GFI1B: variants seen among roughly 807,000 people sequenced by gnomAD.
GFI1B encodes the protein zinc finger protein Gfi-1b.
In GFI1B, 20 loss-of-function variants were observed where a neutral mutation model predicts 35.3. The ratio of observed to expected loss-of-function variants is 0.57; its 90% CI spans 0.40 to 0.82. The LOEUF (loss-of-function observed/expected upper bound fraction) is 0.82. GFI1B is among the 40% of genes least tolerant of loss of function. GFI1B has a pLI of 0.00. For synonymous variants in GFI1B, 178 were observed against 177.6 expected (o/e 1.00, Z -0.02); for missense variants, 430 against 446.3 (o/e 0.96, Z 0.33).
intron 1 of GFI1B, among the ~76,000 whole-genome samples, chr9:132,948,050 C>G (rs976360818): frequency 6.6e-6 from 1 of 152,206 alleles, no homozygotes; most frequent in East Asian, 1.9e-4. Context: ...GGTTACGGTT[C>G]GTCCACAAGG....
chr9:132,973,858 C>T (rs564089649), upstream of GFI1B, among the ~76,000 whole-genome samples: 22 of 152,324 alleles, frequency 1.4e-4, no homozygotes, highest in Admixed American at 1.4e-3. Flanking sequence ...CTTAAGCAAC[C>T]TCATGGTTTT....
At chr9:132,962,664 A>G in intron 1 of GFI1B, 2 of 490,230 alleles carry the variant, frequency 4.1e-6, no homozygotes, top group Non-Finnish European at 4.1e-6. Flanking sequence ...AGCTGGGTCT[A>G]TAAGGAATTA....
At chr9:132,976,983 A>G (rs1848648494), upstream of GFI1B, among the ~76,000 whole-genome samples, 1 of 152,120 alleles carries the variant, frequency 6.6e-6, no homozygotes, top group South Asian at 2.1e-4. Context: ...TTGAGACAGA[A>G]TTTTGCTCTT....
At chr9:132,946,341 G>A (rs1181201323) in intron 1 of GFI1B, among the ~76,000 whole-genome samples, 1 of 152,150 alleles carries the variant, frequency 6.6e-6, no homozygotes, top group East Asian at 1.9e-4. Context: ...GCTAGTTCAT[G>A]GGGATTTGGG....
intron 1 of GFI1B, among the ~76,000 whole-genome samples, chr9:132,981,381 G>A (rs1848814689): frequency 6.6e-6 from 1 of 152,180 alleles, no homozygotes; most frequent in Non-Finnish European, 1.5e-5. Flanking sequence ...CATTCTCTGA[G>A]CTTTGGAGGA....
At chr9:132,976,820 T>C (rs992465611), upstream of GFI1B, among the ~76,000 whole-genome samples, 12 of 152,268 alleles carry the variant, frequency 7.9e-5, no homozygotes, top group East Asian at 1.5e-3. Flanking sequence ...GGTGCGCCTG[T>C]AGTCCCAGCC....
At chr9:132,972,697 C>T (rs1269002242) in intron 1 of GFI1B, 2 of 152,206 alleles carry the variant, frequency 1.3e-5, no homozygotes, top group Non-Finnish European at 2.9e-5. Flanking sequence ...TGTACCTGTA[C>T]ACAGATAATT....
intron 1 of GFI1B, among the ~76,000 whole-genome samples, chr9:132,981,299 A>G (rs1848811637): frequency 1.3e-5 from 2 of 152,216 alleles, no homozygotes; most frequent in African/African-American, 4.8e-5. Flanking sequence ...GTATGCAGAT[A>G]TCTCTTTGAG....
chr9:132,955,298 C>CTT (rs987104465), intron 1 of GFI1B, among the ~76,000 whole-genome samples: 18 of 150,730 alleles, frequency 1.2e-4, no homozygotes, highest in African/African-American at 4.4e-4. Context: ...AGCATTTTTT[C>CTT]TTTTTTTTTG....
At chr9:132,987,524 C>G in intron 3 of GFI1B, 105 bp downstream of exon 3, 1 of 1,321,988 alleles carries the variant, frequency 7.6e-7, no homozygotes, top group South Asian at 1.2e-5. Context: ...TCAGGAAGGA[C>G]CCACGAAGTC....
rs1475760647 is a variant in GFI1B at position 132,988,367 on chromosome 9, C to A, written c.409C>A (p.Leu137Met). ...AGCCTTCCTGGAGCACTCCGTCAGC[C>A]TGTACGGCAGTCCTCTTGTGCCCAG... ...QSAFLEHSVSLYGSPLVPSTE... is the reference protein window; with the variant it reads ...QSAFLEHSVSMYGSPLVPSTE... Residue 137 changes from leucine (L) to methionine (M), a missense_variant, in exon 4 of 7, where the codon CTG becomes ATG. Coordinates refer to ENST00000372122, the MANE Select transcript of GFI1B (RefSeq NM_001377304.1). The A allele has an allele frequency of 6.2e-7, 1 of 1,614,168 alleles. No individual in the cohort carries two copies. The highest frequency in any genetic ancestry group is 8.5e-7 in the Non-Finnish European group (1 of 1,179,982).
In GFI1B at chr9:132,986,711, G is replaced by C; in HGVS notation, c.33G>C (p.Lys11Asn). Residue 11 changes from lysine to asparagine, a missense_variant, in exon 2 of 7, where the codon AAG becomes AAC. By Grantham distance (94) the Lys-to-Asn change is moderately conservative. Coordinates refer to ENST00000372122, the MANE Select transcript of GFI1B (RefSeq NM_001377304.1). MPRSFLVKSKKAHTYHQPRVQ... is the reference protein window; with the variant it reads MPRSFLVKSKNAHTYHQPRVQ... ...GCTCCTTCCTGGTGAAGAGCAAGAA[G>C]GCTCACACCTACCACCAGCCCCGTG... is the stretch of plus-strand genomic sequence containing the variant. 1 of 1,612,768 alleles carries C rather than the reference G, an allele frequency of 6.2e-7. No homozygotes were observed. The highest frequency in any genetic ancestry group is 8.5e-7 in the Non-Finnish European group (1 of 1,179,372).
intron 1 of GFI1B, among the ~76,000 whole-genome samples, chr9:132,958,074 G>A (rs72759449): frequency 0.073 from 11,040 of 152,176 alleles, 448 homozygotes; most frequent in Non-Finnish European, 0.095. Flanking sequence ...GTCATGTGAA[G>A]GTGTTTGACC....
Position 132,982,831 on chromosome 9 carries a change from G to A in GFI1B, c.-20-3828G>A, listed in dbSNP as rs903422077. 1.6e-4 allele frequency among the ~76,000 whole-genome samples: 24 copies of A among 152,246 alleles called. 1 individual carries two copies. The Middle Eastern group carries it at 0.02, about 129-fold the overall frequency. On this transcript the variant is annotated intron_variant, in intron 1 of 6. Transcript: ENST00000372122. ...TGTCACTTGCCAAGCTCAGGGGAGA[G>A]AACACTGGGGGGAGGCAAGAAAGCG...
chr9:132,988,366 C>A lies in GFI1B; in HGVS notation c.408C>A (p.Ser136Arg), dbSNP rs1849159195. 6.2e-7 allele frequency: 1 copy of A among 1,614,110 alleles called. No homozygotes were observed. The highest frequency in any genetic ancestry group is 8.5e-7 in the Non-Finnish European group (1 of 1,179,944). ...MQSAFLEHSVSLYGSPLVPST... is the reference protein window; with the variant it reads ...MQSAFLEHSVRLYGSPLVPST... ...CAGCCTTCCTGGAGCACTCCGTCAG[C>A]CTGTACGGCAGTCCTCTTGTGCCCA... The change falls in exon 4 of 7, where the codon AGC (serine) becomes AGA (arginine). Residue 136 changes from serine (S) to arginine (R), a missense_variant. Ser to Arg is a moderately radical substitution (Grantham distance 110, BLOSUM62 -1). Transcript: ENST00000372122.
At chr9:132,988,760 C>A (rs1035721340) in intron 4 of GFI1B, among the ~76,000 whole-genome samples, 5 of 152,190 alleles carry the variant, frequency 3.3e-5, no homozygotes, top group Non-Finnish European at 7.3e-5. Context: ...AGCATTCAAA[C>A]CCAGCTTCGG....
At chr9:132,973,875 A>T (rs144302382), upstream of GFI1B, among the ~76,000 whole-genome samples, 3,084 of 152,246 alleles carry the variant, frequency 0.02, 48 homozygotes, top group Middle Eastern at 0.034. Flanking sequence ...TTTTGGCGGG[A>T]AAGTCTGCCA....
intron 1 of GFI1B, among the ~76,000 whole-genome samples, chr9:132,948,372 C>T (rs927575000): frequency 2.6e-5 from 4 of 152,154 alleles, no homozygotes; most frequent in African/African-American, 9.7e-5. Context: ...TTCCGGAGTC[C>T]CTGAAACCAG....
intron 1 of GFI1B, chr9:132,962,811 C>T (rs1022382598): frequency 5.0e-5 from 11 of 220,304 alleles, no homozygotes; most frequent in East Asian, 3.1e-4. Context: ...TGGCTCACGC[C>T]TGTAATCCCA....
Sources: allele counts gnomAD v4.1 joint callset (sites outside exome capture counted in the v4.1 genomes callset), GRCh38; gene constraint gnomAD v4.1.1; transcripts MANE v1.5; gene names NCBI Gene and HGNC (gene_info 2026-07-23, HGNC 2026-07-21).